Variants in NAALADL2 observed in about 807,000 individuals in gnomAD.
NAALADL2 encodes the protein N-acetylated alpha-linked acidic dipeptidase like 2, also known as inactive N-acetylated-alpha-linked acidic dipeptidase-like protein 2.
In NAALADL2, 76 loss-of-function variants were observed where a neutral mutation model predicts 87.2. That is an observed-to-expected ratio of 0.87 (90% confidence interval 0.72 to 1.05). NAALADL2 has a LOEUF of 1.05. Ranked by LOEUF, NAALADL2 falls within the 50% of genes least tolerant of loss-of-function variation. The pLI, the probability that NAALADL2 is intolerant of heterozygous loss-of-function variation, is 0.00. For synonymous variants in NAALADL2, 354 were observed against 331.0 expected (o/e 1.07, Z -0.75); for missense variants, 1,089 against 945.8 (o/e 1.15, Z -1.99).
chr3:174,965,247 C>T (rs1398334249), intron 1 of NAALADL2, among the ~76,000 whole-genome samples: 1 of 152,076 alleles, frequency 6.6e-6, no homozygotes, highest in Admixed American at 6.6e-5. Context: ...TGCACCTAAG[C>T]CTTTCCACAG....
At chr3:175,063,566 T>A (rs115571737) in intron 1 of NAALADL2, among the ~76,000 whole-genome samples, 3,108 of 152,208 alleles carry the variant, frequency 0.02, 47 homozygotes, top group Non-Finnish European at 0.03. Flanking sequence ...AGCCTCCACC[T>A]TCTGAGCCCA....
chr3:174,891,299 C>G (rs1730844130), intron 1 of NAALADL2, among the ~76,000 whole-genome samples: 1 of 151,966 alleles, frequency 6.6e-6, no homozygotes, highest in Non-Finnish European at 1.5e-5. Context: ...CACAAGGATA[C>G]CAAGTTAACA....
At chr3:175,510,316 G>T (rs1256730618) in intron 9 of NAALADL2, among the ~76,000 whole-genome samples, 1 of 151,996 alleles carries the variant, frequency 6.6e-6, no homozygotes, top group East Asian at 1.9e-4. Context: ...GGGATTATGG[G>T]AACTAAAATT....
At chr3:175,272,514 T>A (rs947619237) in intron 4 of NAALADL2, among the ~76,000 whole-genome samples, 23 of 152,144 alleles carry the variant, frequency 1.5e-4, no homozygotes, top group African/African-American at 5.5e-4. Flanking sequence ...ATCATCTTAA[T>A]GTGAAATTTG....
At chr3:175,794,908 T>TA (rs1332087503) in intron 13 of NAALADL2, among the ~76,000 whole-genome samples, 1 of 152,110 alleles carries the variant, frequency 6.6e-6, no homozygotes, top group Non-Finnish European at 1.5e-5. Flanking sequence ...GACTGGGAAG[T>TA]TCAAGATCAG....
intron 3 of NAALADL2, among the ~76,000 whole-genome samples, chr3:174,766,894 A>G (rs1301603633): frequency 6.6e-6 from 1 of 152,168 alleles, no homozygotes; most frequent in East Asian, 1.9e-4. Context: ...TTTCTTTACT[A>G]TCTGCGGATC....
chr3:175,453,777 G>C (rs1322053116), intron 6 of NAALADL2, among the ~76,000 whole-genome samples: 1 of 152,054 alleles, frequency 6.6e-6, no homozygotes. Flanking sequence ...CTTAGACTAA[G>C]TTCCTTAATC....
intron 1 of NAALADL2, among the ~76,000 whole-genome samples, chr3:175,068,608 AC>A (rs531239125): frequency 1.4e-4 from 21 of 152,226 alleles, no homozygotes; most frequent in Admixed American, 8.5e-4. Flanking sequence ...GCAAAGTTTA[AC>A]TTAGGTCTTG....
At chr3:174,539,605 G>C (rs571863806) in intron 1 of NAALADL2, among the ~76,000 whole-genome samples, 1 of 152,184 alleles carries the variant, frequency 6.6e-6, no homozygotes, top group Admixed American at 6.5e-5. Flanking sequence ...ATTTGTCCTT[G>C]AAAGCAGTAG....
upstream of NAALADL2, among the ~76,000 whole-genome samples, chr3:174,854,531 A>C (rs1405358324): frequency 6.6e-6 from 1 of 152,154 alleles, no homozygotes; most frequent in Non-Finnish European, 1.5e-5. Context: ...ATTAAGAGTG[A>C]AATTGTAATG....
chr3:174,827,341 G>A (rs906490814), intron 3 of NAALADL2, among the ~76,000 whole-genome samples: 13 of 152,174 alleles, frequency 8.5e-5, no homozygotes, highest in Non-Finnish European at 1.9e-4. Flanking sequence ...GTGCGTTAAG[G>A]TCTAGGTGTT....
intron 1 of NAALADL2, among the ~76,000 whole-genome samples, chr3:174,446,379 T>C (rs2108263549): frequency 6.6e-6 from 1 of 152,326 alleles, no homozygotes; most frequent in Non-Finnish European, 1.5e-5. Flanking sequence ...CAAATGGCTT[T>C]TTGCTCTTTT....
At chr3:175,447,650 A>G (rs1216353092) in intron 6 of NAALADL2, among the ~76,000 whole-genome samples, 1 of 152,210 alleles carries the variant, frequency 6.6e-6, no homozygotes. Context: ...TTGTACATTC[A>G]TGAAAATCTG....
intron 1 of NAALADL2, among the ~76,000 whole-genome samples, chr3:174,489,588 T>C (rs180718303): frequency 6.6e-6 from 1 of 152,190 alleles, no homozygotes; most frequent in East Asian, 1.9e-4. Context: ...AAATTATATC[T>C]TTAAGAAGGG....
chr3:174,986,936 G>A (rs1745955789), intron 1 of NAALADL2, among the ~76,000 whole-genome samples: 1 of 152,142 alleles, frequency 6.6e-6, no homozygotes, highest in South Asian at 2.1e-4. Flanking sequence ...GATGATAGGA[G>A]TTGGCAGTTT....
chr3:174,979,959 C>T (rs959781577), intron 1 of NAALADL2, among the ~76,000 whole-genome samples: 8 of 152,106 alleles, frequency 5.3e-5, no homozygotes, highest in African/African-American at 1.9e-4. Flanking sequence ...TCCCCAAAAG[C>T]CCTTTATGAT....
At chr3:175,797,027 G>C (rs1163875330) in intron 13 of NAALADL2, among the ~76,000 whole-genome samples, 1 of 151,424 alleles carries the variant, frequency 6.6e-6, no homozygotes, top group Non-Finnish European at 1.5e-5. Flanking sequence ...CTCCTTCACT[G>C]ATACCACCTG....
chr3:175,749,803 T>C (rs1746400705), intron 12 of NAALADL2, among the ~76,000 whole-genome samples: 1 of 152,218 alleles, frequency 6.6e-6, no homozygotes, highest in Admixed American at 6.5e-5. Context: ...CATGTATAAA[T>C]TCAGTGGATA....
At chr3:175,646,791 T>C (rs1730068913) in intron 11 of NAALADL2, among the ~76,000 whole-genome samples, 1 of 152,102 alleles carries the variant, frequency 6.6e-6, no homozygotes, top group African/African-American at 2.4e-5. Context: ...TGATATCTGA[T>C]CTACCTTTCT....
Sources: allele counts gnomAD v4.1 joint callset (sites outside exome capture counted in the v4.1 genomes callset), GRCh38; gene constraint gnomAD v4.1.1; transcripts MANE v1.5; gene names NCBI Gene and HGNC (gene_info 2026-07-23, HGNC 2026-07-21).